The following SNRPB variants were observed in gnomAD, a reference collection of about 807,000 sequenced individuals.
SNRPB encodes the protein small nuclear ribonucleoprotein polypeptides B and B1.
Under a neutral mutation model 26.6 loss-of-function variants are expected in SNRPB, and 5 were observed. The ratio of observed to expected loss-of-function variants is 0.19; its 90% confidence interval spans 0.10 to 0.39. SNRPB has a LOEUF of 0.39. Ranked by LOEUF, SNRPB falls within the 10% of genes least tolerant of loss-of-function variation. The pLI, the probability that SNRPB is intolerant of heterozygous loss-of-function variation, is 1.00. For missense variants in SNRPB, 211 were observed against 311.9 expected, an observed-to-expected ratio of 0.68 and a Z score of 2.44; for synonymous variants, 122 against 105.8, an observed-to-expected ratio of 1.15 and a Z score of -0.94.
intron 3 of SNRPB, 44 bp downstream of exon 3, chr20:2,465,664 A>C: frequency 1.5e-6 from 2 of 1,315,596 alleles, no homozygotes; most frequent in Non-Finnish European, 2.2e-6. Context: ...CCTGGCTCAC[A>C]GTAGGGCCTC....
chr20:2,462,492 T>C, intron 6 of SNRPB, 144 bp downstream of exon 6: 1 of 820,272 alleles, frequency 1.2e-6, no homozygotes, highest in Admixed American at 1.9e-5. Context: ...TTAAGAAATG[T>C]TCCCTCTTCT....
At chr20:2,469,484 G>A (rs2085098363) in intron 1 of SNRPB, among the ~76,000 whole-genome samples, 1 of 152,104 alleles carries the variant, frequency 6.6e-6, no homozygotes, top group South Asian at 2.1e-4. Flanking sequence ...CTGAGGTCAG[G>A]AGTTCGAGAC....
chr20:2,462,553 T>C lies in SNRPB; in HGVS notation c.685+83A>G. 6 of 1,164,104 alleles carry C rather than the reference T, an allele frequency of 5.2e-6. No individual in the cohort carries two copies. The South Asian group carries it at 6.1e-5, about 12-fold the overall frequency. 72.1% of individuals were successfully genotyped at this position (1,164,104 alleles called of 1,614,324 possible). A position where few individuals can be genotyped will look rare whatever the true frequency, so the allele number is the denominator to read the frequency against. On this transcript the variant is annotated intron_variant, in intron 6 of 6. Transcript: ENST00000381342. The stretch of plus-strand genomic sequence containing the variant: ...TTAAGGCTTGAAAGCCCATGGGATA[T>C]GATCTAAATGCAATCTTCCCTCCAT...
At chr20:2,465,679 C>G (rs747690312) in intron 3 of SNRPB, 29 bp downstream of exon 3, 1 of 1,476,094 alleles carries the variant, frequency 6.8e-7, no homozygotes, top group African/African-American at 1.4e-5. Context: ...GGCCTCCCCT[C>G]CTCCACAAGG....
chr20:2,462,851 A>C, intron 5 of SNRPB, 90 bp from the exon 6 acceptor site: 1 of 1,161,718 alleles, frequency 8.6e-7, no homozygotes, highest in South Asian at 1.5e-5. Context: ...AAGTTCTGAG[A>C]TAGATGGACC....
At position 2,462,728 on chromosome 20, in the gene SNRPB, G is replaced by C; in HGVS notation, c.593C>G (p.Pro198Arg). The C allele has an allele frequency of 6.3e-7, 1 of 1,575,184 alleles. No homozygotes were observed. The highest frequency in any genetic ancestry group is 8.6e-7 in the Non-Finnish European group (1 of 1,159,118). The change falls in exon 6 of 7, where the codon CCT (proline) becomes CGT (arginine). Residue 198 changes from proline to arginine, a missense_variant. Pro to Arg is a moderately radical substitution (Grantham distance 103, BLOSUM62 -2). Coordinates refer to ENST00000381342, the MANE Select transcript of SNRPB (RefSeq NM_003091.4). ...MMGPPPGMRPPMGPPMGIPPG... is the reference protein window; with the variant it reads ...MMGPPPGMRPRMGPPMGIPPG... The stretch of plus-strand genomic sequence containing the variant: ...GGGGATCCCCATTGGGGGACCCATA[G>C]GAGGTCTCATACCAGGAGGTGGGCC...
At chr20:2,470,408 G>A (rs551809072) in intron 1 of SNRPB, among the ~76,000 whole-genome samples, 1 of 152,336 alleles carries the variant, frequency 6.6e-6, no homozygotes, top group East Asian at 1.9e-4. Context: ...TGCCTACTGG[G>A]TCCCAGGAAT....
chr20:2,464,426 T>C (rs771176159), intron 3 of SNRPB, among the ~76,000 whole-genome samples: 5 of 152,206 alleles, frequency 3.3e-5, no homozygotes, highest in Non-Finnish European at 5.9e-5. Flanking sequence ...ACATGGACTT[T>C]GAACCAAGAT....
Position 2,462,709 on chromosome 20 carries a change from CCCCATTGGGGGA to C in SNRPB, c.600_611del (p.Pro201_Gly204del). On this transcript the variant is annotated inframe_deletion, in exon 6 of 7. Transcript: ENST00000381342. ...TTGGAGTCCCTCTTCCAGGGGGGAT[CCCCATTGGGGGA>C]CCCATAGGAGGTCTCATACCAGGAG... The C allele has an allele frequency of 1.3e-6, 2 of 1,594,054 alleles. No individual in the cohort carries two copies. Among genetic ancestry groups the C allele is most frequent in the Non-Finnish European group, 1.7e-6 (2 of 1,165,836 alleles).
chr20:2,462,866 C>T (rs1031226295), intron 5 of SNRPB, 105 bp from the exon 6 acceptor site: 1 of 1,062,638 alleles, frequency 9.4e-7, no homozygotes, highest in Non-Finnish European at 1.4e-6. Context: ...TGGACCATTC[C>T]ACCCTCTCAG....
At position 2,470,729 on chromosome 20, in the gene SNRPB, C is replaced by T. The variant is rs753316822; in HGVS notation, c.-39G>A. ...ATGGCTCTGATACCCGCCGGATTCG[C>T]CTCCTCAGAGGCCTAGCCTCTCTCC... On this transcript the variant is annotated 5_prime_UTR_variant, in exon 1 of 7. Transcript: ENST00000381342. 1 of 1,611,656 alleles carries T rather than the reference C, an allele frequency of 6.2e-7. No homozygotes were observed. Among genetic ancestry groups the T allele is most frequent in the Non-Finnish European group, 8.5e-7 (1 of 1,179,746 alleles).
intron 6 of SNRPB, 160 bp downstream of exon 6, chr20:2,462,474 AGC>A (rs1462105176): frequency 1.4e-6 from 1 of 734,654 alleles, no homozygotes; most frequent in Non-Finnish European, 2.4e-6. Context: ...AGGGGAGGTA[AGC>A]CCAATTTAAG....
chr20:2,462,818 A>G (rs896198318), intron 5 of SNRPB, 57 bp from the exon 6 acceptor site: 11 of 1,402,912 alleles, frequency 7.8e-6, no homozygotes, highest in African/African-American at 1.5e-5. Context: ...AAAGGTAGCA[A>G]AAAAACTACA....
chr20:2,470,400 C>T, intron 1 of SNRPB, among the ~76,000 whole-genome samples: 1 of 152,254 alleles, frequency 6.6e-6, no homozygotes, highest in East Asian at 1.9e-4. Context: ...TAACTTAGTG[C>T]CTACTGGGTC....
chr20:2,461,993 A>C, intron 6 of SNRPB, 54 bp from the exon 7 acceptor site: 1 of 1,355,656 alleles, frequency 7.4e-7, no homozygotes, highest in South Asian at 1.2e-5. Flanking sequence ...TTGAATCCCC[A>C]ACCCTGCCCC....
At chr20:2,466,509 G>GA (rs2085074824) in intron 2 of SNRPB, among the ~76,000 whole-genome samples, 1 of 152,012 alleles carries the variant, frequency 6.6e-6, no homozygotes, top group South Asian at 2.1e-4. Context: ...AAATAAAGGG[G>GA]AAAAAATAGC....
intron 6 of SNRPB, among the ~76,000 whole-genome samples, chr20:2,462,355 A>C (rs151309405): frequency 1.3e-5 from 2 of 152,054 alleles, no homozygotes; most frequent in Non-Finnish European, 1.5e-5. Flanking sequence ...AGACAATCTC[A>C]TAACTTCTGT....
At chr20:2,462,088 G>A (rs1040511325) in intron 6 of SNRPB, 149 bp from the exon 7 acceptor site, 4 of 606,922 alleles carry the variant, frequency 6.6e-6, no homozygotes, top group Non-Finnish European at 8.9e-6. Flanking sequence ...GAGGCTGACT[G>A]GGTTCCTATG....
At position 2,465,823 on chromosome 20, in the gene SNRPB, AAG is replaced by A. The variant is rs760229480; in HGVS notation, c.156-6_156-5del. The A allele has an allele frequency of 7.4e-6, 12 of 1,612,350 alleles. No individual in the cohort carries two copies. In the South Asian group the frequency reaches 1.1e-4, roughly 15 times the overall value. On this transcript the variant is annotated splice_polypyrimidine_tract_variant and splice_region_variant and intron_variant, in intron 2 of 6. Coordinates refer to ENST00000381342, the MANE Select transcript of SNRPB (RefSeq NM_003091.4). ...TGCTTGTTTGGAGTTCTTTGGCCTA[AAG>A]AGAGGTTTAGAAGGAACAAAAAAAG...
Sources: gnomAD v4.1 joint callset for allele counts (sites outside exome capture counted in the v4.1 genomes callset) on GRCh38, gnomAD v4.1.1 for gene constraint, MANE v1.5 for transcripts, NCBI Gene and HGNC (gene_info 2026-07-23, HGNC 2026-07-21) for gene names.